The following CDH12 variants were observed in gnomAD, a reference collection of about 807,000 sequenced individuals.
CDH12 encodes cadherin 12.
CDH12 carries 41 observed loss-of-function variants against 74.1 expected under a neutral mutation model. That is an observed-to-expected ratio of 0.55 (90% CI 0.43 to 0.72). The LOEUF (loss-of-function observed/expected upper bound fraction) is 0.72. Ranked by LOEUF, CDH12 falls within the 30% of genes least tolerant of loss-of-function variation. The pLI, the probability that CDH12 is intolerant of heterozygous loss-of-function variation, is 0.00. For missense variants in CDH12, 945 were observed against 977.2 expected (o/e 0.97, Z 0.44); for synonymous variants, 399 against 355.0 (o/e 1.12, Z -1.39).
At position 22,035,706 on chromosome 5, in the gene CDH12, T is replaced by TCACACACA. The variant is rs1386026784; in HGVS notation, c.231+42739_231+42740insTGTGTGTG. On this transcript the variant is annotated intron_variant, in intron 5 of 14. Transcript: ENST00000382254. ...GGTTTACTTCTTCTTTTTTTACACT[T>TCACACACA]CACACATACACACACACACACACAC... Among the ~76,000 whole-genome samples the TCACACACA allele has an allele frequency of 4.0e-3, 468 of 117,028 alleles. 4 individuals are homozygous for TCACACACA. The highest frequency in any genetic ancestry group is 0.016 in the African/African-American group (454 of 28,054). The allele number at this position is 117,028 out of a possible 152,430, so 76.8% of individuals were successfully genotyped here.
chr5:22,083,576 A>G (rs905770949), intron 4 of CDH12, among the ~76,000 whole-genome samples: 2 of 152,186 alleles, frequency 1.3e-5, no homozygotes, highest in African/African-American at 2.4e-5. Flanking sequence ...AAAACTTACA[A>G]TGTTCTACAT....
intron 1 of CDH12, among the ~76,000 whole-genome samples, chr5:22,749,185 G>A (rs1745438106): frequency 6.6e-6 from 1 of 152,228 alleles, no homozygotes; most frequent in African/African-American, 2.4e-5. Flanking sequence ...TTGAAAGTAT[G>A]ATCAGCAGCA....
intron 1 of CDH12, among the ~76,000 whole-genome samples, chr5:22,722,988 C>T (rs1743976451): frequency 6.6e-6 from 1 of 152,086 alleles, no homozygotes; most frequent in African/African-American, 2.4e-5. Flanking sequence ...GGAGGCATTC[C>T]TTTAAATATA....
chr5:22,127,112 T>A (rs888829548), intron 4 of CDH12, among the ~76,000 whole-genome samples: 2 of 151,952 alleles, frequency 1.3e-5, no homozygotes, highest in African/African-American at 4.8e-5. Context: ...TTTAAGTCTA[T>A]CAAAAACAAC....
At chr5:21,848,656 C>G (rs7727001) in intron 7 of CDH12, among the ~76,000 whole-genome samples, 97,013 of 151,682 alleles carry the variant, frequency 0.64, 34,932 homozygotes, top group East Asian at 0.8. Flanking sequence ...GTTTGAAAGA[C>G]AAGAAGAGTT....
chr5:21,956,911 C>T (rs1756125223), intron 6 of CDH12, among the ~76,000 whole-genome samples: 1 of 147,756 alleles, frequency 6.8e-6, no homozygotes, highest in South Asian at 2.1e-4. Context: ...TTGCTTTCTT[C>T]TTTTTTTTTT....
chr5:22,173,254 T>G (rs1175543296), intron 4 of CDH12, among the ~76,000 whole-genome samples: 1 of 147,088 alleles, frequency 6.8e-6, no homozygotes, highest in Non-Finnish European at 1.5e-5. Flanking sequence ...ATTATATAAT[T>G]TATATAATTT....
intron 5 of CDH12, among the ~76,000 whole-genome samples, chr5:22,040,815 T>C (rs78200452): frequency 2.6e-5 from 4 of 152,092 alleles, no homozygotes; most frequent in African/African-American, 4.8e-5. Context: ...GGAGTTCTTA[T>C]AGTAGAAACA....
intron 7 of CDH12, among the ~76,000 whole-genome samples, chr5:21,848,209 GT>G (rs1750280724): frequency 6.6e-6 from 1 of 152,148 alleles, no homozygotes; most frequent in African/African-American, 2.4e-5. Flanking sequence ...TCATGAAAAT[GT>G]TTTTGATTAG....
At chr5:22,447,248 T>C (rs1744851336) in intron 2 of CDH12, among the ~76,000 whole-genome samples, 1 of 152,118 alleles carries the variant, frequency 6.6e-6, no homozygotes, top group South Asian at 2.1e-4. Flanking sequence ...ACCAGATATC[T>C]TTTATTACAT....
At chr5:22,337,714 T>A (rs540871703) in intron 3 of CDH12, among the ~76,000 whole-genome samples, 1 of 152,220 alleles carries the variant, frequency 6.6e-6, no homozygotes, top group African/African-American at 2.4e-5. Context: ...AGTCTTCATA[T>A]GTCTTTAGCA....
At chr5:22,761,359 T>A (rs1746218402) in intron 1 of CDH12, among the ~76,000 whole-genome samples, 1 of 152,174 alleles carries the variant, frequency 6.6e-6, no homozygotes, top group African/African-American at 2.4e-5. Flanking sequence ...AGCAACTCAT[T>A]CTTATTTCGG....
intron 2 of CDH12, among the ~76,000 whole-genome samples, chr5:22,486,924 G>A (rs1194329772): frequency 6.6e-6 from 1 of 152,180 alleles, no homozygotes; most frequent in African/African-American, 2.4e-5. Flanking sequence ...GAGGTCAAGT[G>A]TTTGCAAAGA....
intron 6 of CDH12, among the ~76,000 whole-genome samples, chr5:21,944,665 A>G (rs1755487991): frequency 6.6e-6 from 1 of 152,204 alleles, no homozygotes; most frequent in Non-Finnish European, 1.5e-5. Context: ...GTTCTTACAC[A>G]GCTTCTTCCA....
At chr5:21,832,904 A>T (rs1421065758) in intron 8 of CDH12, among the ~76,000 whole-genome samples, 238 of 79,166 alleles carry the variant, frequency 3.0e-3, no homozygotes, top group Non-Finnish European at 3.9e-3. Context: ...ATCATATAAT[A>T]TATGATATAA....
chr5:22,008,105 G>C (rs1218397016), intron 5 of CDH12, among the ~76,000 whole-genome samples: 1 of 152,008 alleles, frequency 6.6e-6, no homozygotes, highest in Admixed American at 6.6e-5. Context: ...GTATTATCTT[G>C]GTGCTTTTGG....
At chr5:22,368,557 G>C (rs1327138339) in intron 3 of CDH12, among the ~76,000 whole-genome samples, 3 of 150,910 alleles carry the variant, frequency 2.0e-5, no homozygotes, top group Non-Finnish European at 4.4e-5. Context: ...TCCTGCCTCA[G>C]TGTAGTGTAT....
rs143292880 is a variant in CDH12, at chr5:22,053,055, G to C, written c.231+25391C>G. On this transcript the variant is annotated intron_variant, in intron 5 of 14. Coordinates refer to ENST00000382254, the MANE Select transcript of CDH12 (RefSeq NM_004061.5). Reference sequence around the variant, plus strand: ...TTTTTTTAAATTTAAGAATACTGAGGGTCTCTCGTTTTTTTTGTTTTTTTT... The same window carrying C: ...TTTTTTTAAATTTAAGAATACTGAGCGTCTCTCGTTTTTTTTGTTTTTTTT... Among the ~76,000 whole-genome samples, 5 of 151,066 alleles carry C rather than the reference G, an allele frequency of 3.3e-5. No homozygotes were observed. In the East Asian group the frequency reaches 9.7e-4, roughly 29 times the overall value.
intron 4 of CDH12, among the ~76,000 whole-genome samples, chr5:22,150,539 CAT>C (rs1341233910): frequency 6.0e-5 from 9 of 150,834 alleles, no homozygotes; most frequent in African/African-American, 9.7e-5. Flanking sequence ...CACACACACA[CAT>C]ATATATATAT....
Sources: gnomAD v4.1 joint callset for allele counts (sites outside exome capture counted in the v4.1 genomes callset) on GRCh38, gnomAD v4.1.1 for gene constraint, MANE v1.5 for transcripts, NCBI Gene and HGNC (gene_info 2026-07-23, HGNC 2026-07-21) for gene names.